The following SPATA17 variants were observed in gnomAD, a reference collection of about 807,000 sequenced individuals.
SPATA17 encodes the protein spermatogenesis associated 17.
In SPATA17, 53 loss-of-function variants were observed where a neutral mutation model predicts 62.2. That is an observed-to-expected ratio of 0.85 (90% CI 0.68 to 1.07). The LOEUF (loss-of-function observed/expected upper bound fraction) is 1.07, where lower values mean the gene tolerates loss of function less well. Ranked by LOEUF, SPATA17 falls within the 50% of genes least tolerant of loss-of-function variation. The probability of loss-of-function intolerance (pLI) is 0.00; values close to 1 mark genes in which losing one functional copy is unlikely to be tolerated. For synonymous variants in SPATA17, 146 were observed against 146.8 expected (o/e 0.99, Z 0.04); for missense variants, 466 against 425.5 (o/e 1.10, Z -0.84).
intron 5 of SPATA17, chr1:217,737,826 T>C (rs922420235): frequency 8.6e-6 from 1 of 116,324 alleles, no homozygotes; most frequent in South Asian, 2.5e-4. Flanking sequence ...ATGCTTGTTG[T>C]CTTTTTTTTT....
intron 5 of SPATA17, among the ~76,000 whole-genome samples, chr1:217,714,710 C>T (rs981933727): frequency 5.9e-5 from 9 of 151,884 alleles, no homozygotes; most frequent in South Asian, 2.1e-4. Flanking sequence ...TGGTCTCGAT[C>T]TCCTGACCTC....
intron 9 of SPATA17, among the ~76,000 whole-genome samples, chr1:217,822,253 A>G (rs1404416066): frequency 6.6e-6 from 1 of 152,072 alleles, no homozygotes; most frequent in African/African-American, 2.4e-5. Context: ...ATTTTTTATT[A>G]TCATTAATTT....
At chr1:217,818,384 G>A (rs8179489) in intron 9 of SPATA17, among the ~76,000 whole-genome samples, 33,393 of 151,918 alleles carry the variant, frequency 0.22, 4,065 homozygotes, top group African/African-American at 0.31. Context: ...TTAGTTGTGT[G>A]AACATCATAA....
intron 9 of SPATA17, among the ~76,000 whole-genome samples, chr1:217,811,218 G>C (rs1674577786): frequency 6.6e-6 from 1 of 151,850 alleles, no homozygotes; most frequent in African/African-American, 2.4e-5. Flanking sequence ...ATTTTTTGTA[G>C]AGATGGGGTT....
intron 5 of SPATA17, among the ~76,000 whole-genome samples, chr1:217,725,955 T>C (rs1047849889): frequency 3.3e-5 from 5 of 152,202 alleles, no homozygotes; most frequent in African/African-American, 9.7e-5. Context: ...TCTAGAAATA[T>C]TGTATTTTTC....
intron 5 of SPATA17, among the ~76,000 whole-genome samples, chr1:217,727,725 G>A (rs1183854267): frequency 6.6e-6 from 1 of 152,106 alleles, no homozygotes; most frequent in African/African-American, 2.4e-5. Context: ...TATCTAAAAT[G>A]CCAGTTCACA....
At chr1:217,669,959 C>T (rs1670796076) in intron 4 of SPATA17, among the ~76,000 whole-genome samples, 2 of 152,138 alleles carry the variant, frequency 1.3e-5, no homozygotes, top group East Asian at 1.9e-4. Flanking sequence ...TCTTCATCCT[C>T]CTCTCTGCTT....
In SPATA17 at chr1:217,724,026, A is replaced by G. The variant is rs569696973; in HGVS notation, c.396-17949A>G. Among the ~76,000 whole-genome samples, 60 of 152,346 alleles carry G rather than the reference A, an allele frequency of 3.9e-4. No homozygotes were observed. The South Asian group carries it at 0.012, about 32-fold the overall frequency. ...CTGTTATACATTCCTCCACATGGAAAGGAAACAGGAGTGAAGGAATTATTT... is the reference window on the plus strand; with the variant it reads ...CTGTTATACATTCCTCCACATGGAAGGGAAACAGGAGTGAAGGAATTATTT... On this transcript the variant is annotated intron_variant, in intron 5 of 10. Coordinates refer to ENST00000366933, the MANE Select transcript of SPATA17 (RefSeq NM_138796.4).
intron 1 of SPATA17, among the ~76,000 whole-genome samples, chr1:217,633,984 A>C (rs1026573383): frequency 2.6e-5 from 4 of 152,194 alleles, no homozygotes; most frequent in African/African-American, 4.8e-5. Flanking sequence ...ATACAGGAGG[A>C]GATTTTGAAC....
At chr1:217,723,504 C>T (rs1672187228) in intron 5 of SPATA17, among the ~76,000 whole-genome samples, 1 of 152,176 alleles carries the variant, frequency 6.6e-6, no homozygotes. Flanking sequence ...TAATTTTCCT[C>T]CGCTGAATTT....
At chr1:217,736,768 T>C (rs967453173) in intron 5 of SPATA17, among the ~76,000 whole-genome samples, 1 of 152,210 alleles carries the variant, frequency 6.6e-6, no homozygotes, top group Non-Finnish European at 1.5e-5. Flanking sequence ...GTCTCTTTTA[T>C]ACATTAATGT....
chr1:217,667,544 C>G (rs1459027148), intron 3 of SPATA17, among the ~76,000 whole-genome samples: 1 of 152,102 alleles, frequency 6.6e-6, no homozygotes, highest in African/African-American at 2.4e-5. Context: ...GACTGAGAGA[C>G]TTTCAGTAAG....
At chr1:217,631,527 C>T (rs560562071) in intron 1 of SPATA17, 81 bp downstream of exon 1, 10 of 1,387,996 alleles carry the variant, frequency 7.2e-6, no homozygotes, top group Non-Finnish European at 1.0e-5. Context: ...TTCCAATTAA[C>T]GATTTAACGA....
chr1:217,693,283 G>T (rs1671382927), intron 5 of SPATA17, among the ~76,000 whole-genome samples: 2 of 126,326 alleles, frequency 1.6e-5, no homozygotes, highest in African/African-American at 6.0e-5. Flanking sequence ...TTGCGTAGAG[G>T]TGTTTGTAGT....
intron 9 of SPATA17, among the ~76,000 whole-genome samples, chr1:217,831,058 C>T (rs910887246): frequency 1.3e-5 from 2 of 152,068 alleles, no homozygotes; most frequent in African/African-American, 4.8e-5. Context: ...TTGCTCATAA[C>T]AATTGGAGTA....
intron 5 of SPATA17, 45 bp downstream of exon 5, chr1:217,683,406 AT>A: frequency 8.2e-7 from 1 of 1,221,576 alleles, no homozygotes; most frequent in Non-Finnish European, 1.2e-6. Flanking sequence ...CTTTGGAAAG[AT>A]TACTCAATAG....
At chr1:217,737,572 A>G (rs1054731879) in intron 5 of SPATA17, among the ~76,000 whole-genome samples, 3 of 152,142 alleles carry the variant, frequency 2.0e-5, no homozygotes, top group East Asian at 1.9e-4. Context: ...CTCTGGGCCT[A>G]TATACTCTGT....
chr1:217,728,656 C>T (rs547764132), intron 5 of SPATA17, among the ~76,000 whole-genome samples: 61 of 151,798 alleles, frequency 4.0e-4, no homozygotes, highest in African/African-American at 1.3e-3. Context: ...TTTTGATATG[C>T]GAAAGATATT....
At chr1:217,823,883 A>T (rs1674927109) in intron 9 of SPATA17, among the ~76,000 whole-genome samples, 1 of 151,636 alleles carries the variant, frequency 6.6e-6, no homozygotes, top group South Asian at 2.1e-4. Flanking sequence ...GTCTCTTTTT[A>T]CTGTTTTACT....
Sources: allele counts gnomAD v4.1 joint callset (sites outside exome capture counted in the v4.1 genomes callset), GRCh38; gene constraint gnomAD v4.1.1; transcripts MANE v1.5; gene names NCBI Gene and HGNC (gene_info 2026-07-23, HGNC 2026-07-21).